The following LRRTM4 variants were observed in gnomAD, a reference collection of about 807,000 sequenced individuals.
LRRTM4 encodes leucine rich repeat transmembrane neuronal 4.
A neutral mutation model predicts 47.6 loss-of-function variants in LRRTM4; 25 were observed. That is an observed-to-expected ratio of 0.53 (90% CI 0.38 to 0.73). LRRTM4 has a LOEUF of 0.73. LRRTM4 is among the 30% of genes least tolerant of loss of function. LRRTM4 has a pLI of 0.00. For missense variants in LRRTM4, 638 were observed against 713.4 expected, an observed-to-expected ratio of 0.89 and a Z score of 1.20; for synonymous variants, 311 against 269.5, an observed-to-expected ratio of 1.15 and a Z score of -1.51.
intron 3 of LRRTM4, among the ~76,000 whole-genome samples, chr2:76,839,877 G>A (rs1292307594): frequency 6.6e-6 from 1 of 151,932 alleles, no homozygotes; most frequent in Non-Finnish European, 1.5e-5. Flanking sequence ...AGAATATAAA[G>A]GCCAGTGTCT....
chr2:77,381,191 G>A (rs1673037769), intron 3 of LRRTM4, among the ~76,000 whole-genome samples: 1 of 151,838 alleles, frequency 6.6e-6, no homozygotes, highest in African/African-American at 2.4e-5. Flanking sequence ...ATTAAGACTA[G>A]ATATAAACTA....
chr2:77,062,772 A>C (rs918017159), intron 3 of LRRTM4, among the ~76,000 whole-genome samples: 1 of 152,058 alleles, frequency 6.6e-6, no homozygotes, highest in Non-Finnish European at 1.5e-5. Flanking sequence ...ATGGATCTCC[A>C]AAGTTTAATC....
chr2:77,320,699 G>T (rs1259118126), intron 3 of LRRTM4, among the ~76,000 whole-genome samples: 2 of 151,532 alleles, frequency 1.3e-5, no homozygotes, highest in African/African-American at 4.8e-5. Flanking sequence ...TTATATTCAT[G>T]GTTATTATAC....
chr2:77,198,256 C>T lies in LRRTM4; in HGVS notation c.1551+320062G>A, dbSNP rs528177159. ...CCTGCAAATGATCCAGTGCTCTGAC[C>T]TGGGCGTGACACATGTCATACCTTC... is the stretch of plus-strand genomic sequence containing the variant. On this transcript the variant is annotated intron_variant, in intron 3 of 3. Coordinates refer to ENST00000409884, the MANE Select transcript of LRRTM4 (RefSeq NM_001134745.3). 1.1e-4 allele frequency among the ~76,000 whole-genome samples: 16 copies of T among 152,254 alleles called. No homozygotes were observed. In the East Asian group the frequency reaches 3.1e-3, roughly 29 times the overall value.
rs373791162 is a variant in LRRTM4, at chr2:77,522,072, G to T, written c.-148+37C>A. 9.8e-5 allele frequency: 70 copies of T among 715,370 alleles called. 1 individual carries two copies. The highest frequency in any genetic ancestry group is 4.6e-4 in the Middle Eastern group (2 of 4,354). The allele number at this position is 715,370 out of a possible 1,614,324, so 44.3% of individuals were successfully genotyped here. ...CATCTCGGAGGTAACCAACTTCTCT[G>T]TAAAAAGAGAGGAAAAAAAGAAAAT... On this transcript the variant is annotated intron_variant, in intron 1 of 3. Transcript: ENST00000409884.
chr2:76,795,702 C>G (rs1327157977), intron 3 of LRRTM4, among the ~76,000 whole-genome samples: 1 of 152,026 alleles, frequency 6.6e-6, no homozygotes, highest in Non-Finnish European at 1.5e-5. Flanking sequence ...GTAGCTATAT[C>G]TTCTACATAC....
At chr2:77,393,894 T>C (rs13415900) in intron 3 of LRRTM4, among the ~76,000 whole-genome samples, 4,320 of 152,112 alleles carry the variant, frequency 0.028, 76 homozygotes, top group South Asian at 0.075. Flanking sequence ...AAATACAGGA[T>C]GTACTCATTA....
At chr2:77,079,651 C>G (rs1463647386) in intron 3 of LRRTM4, among the ~76,000 whole-genome samples, 4 of 152,158 alleles carry the variant, frequency 2.6e-5, no homozygotes, top group African/African-American at 9.7e-5. Context: ...ACCTGCACAT[C>G]TCAAATATTT....
chr2:77,394,106 T>G (rs952479669), intron 3 of LRRTM4, among the ~76,000 whole-genome samples: 2 of 151,948 alleles, frequency 1.3e-5, no homozygotes, highest in Non-Finnish European at 2.9e-5. Flanking sequence ...TAGCTGTAGG[T>G]TTATTTATGC....
At chr2:76,929,258 G>A (rs1251527260) in intron 3 of LRRTM4, among the ~76,000 whole-genome samples, 1 of 152,100 alleles carries the variant, frequency 6.6e-6, no homozygotes, top group African/African-American at 2.4e-5. Context: ...TCTTTGTGGG[G>A]TGACATTAAA....
intron 3 of LRRTM4, among the ~76,000 whole-genome samples, chr2:76,985,002 C>A (rs927542743): frequency 1.3e-5 from 2 of 151,980 alleles, no homozygotes; most frequent in Admixed American, 1.3e-4. Flanking sequence ...TTCACTACGA[C>A]AGCATTCTAG....
chr2:76,983,492 G>A (rs769106949), intron 3 of LRRTM4, among the ~76,000 whole-genome samples: 1 of 151,934 alleles, frequency 6.6e-6, no homozygotes. Flanking sequence ...GAGCTCTCTT[G>A]CCTGTCACCA....
chr2:77,254,509 A>AT (rs1405850178), intron 3 of LRRTM4, among the ~76,000 whole-genome samples: 1 of 151,978 alleles, frequency 6.6e-6, no homozygotes, highest in Non-Finnish European at 1.5e-5. Context: ...AAAAATAGGA[A>AT]TAAAAAATAT....
intron 3 of LRRTM4, among the ~76,000 whole-genome samples, chr2:76,925,317 C>T (rs1232734307): frequency 6.6e-6 from 1 of 152,102 alleles, no homozygotes; most frequent in East Asian, 1.9e-4. Context: ...CTCAATCCTT[C>T]AACCTTCAAA....
At chr2:76,923,238 T>C (rs1674488424) in intron 3 of LRRTM4, among the ~76,000 whole-genome samples, 1 of 152,102 alleles carries the variant, frequency 6.6e-6, no homozygotes, top group Non-Finnish European at 1.5e-5. Context: ...TTACCTTTTA[T>C]GTTAAACGTT....
intron 3 of LRRTM4, among the ~76,000 whole-genome samples, chr2:77,107,232 C>T (rs1280697814): frequency 6.8e-6 from 1 of 147,780 alleles, no homozygotes; most frequent in Non-Finnish European, 1.5e-5. Flanking sequence ...AATGTAGCAA[C>T]ATTAAAAAGA....
intron 3 of LRRTM4, among the ~76,000 whole-genome samples, chr2:77,099,315 C>G (rs1302754863): frequency 2.0e-5 from 3 of 151,774 alleles, no homozygotes; most frequent in African/African-American, 7.2e-5. Context: ...CTATAAATGT[C>G]AAAATAAATA....
chr2:76,905,786 A>C (rs2103761031), intron 3 of LRRTM4, among the ~76,000 whole-genome samples: 1 of 152,218 alleles, frequency 6.6e-6, no homozygotes, highest in South Asian at 2.1e-4. Flanking sequence ...CGAGAAGGCA[A>C]GTTTAGAGAA....
intron 3 of LRRTM4, among the ~76,000 whole-genome samples, chr2:76,805,703 T>C (rs1408108212): frequency 2.0e-5 from 3 of 152,160 alleles, no homozygotes; most frequent in Admixed American, 6.6e-5. Flanking sequence ...ACGCATACCA[T>C]GTATGAAGCA....
Sources: gnomAD v4.1 joint callset for allele counts (sites outside exome capture counted in the v4.1 genomes callset) on GRCh38, gnomAD v4.1.1 for gene constraint, MANE v1.5 for transcripts, NCBI Gene and HGNC (gene_info 2026-07-23, HGNC 2026-07-21) for gene names.